SUMF1: variants seen among roughly 807,000 people sequenced by gnomAD.
SUMF1 encodes formylglycine-generating enzyme.
A neutral mutation model predicts 47.6 loss-of-function variants in SUMF1; 48 were observed. The observed-to-expected ratio is 1.01, with a 90% CI of 0.80 to 1.28. The LOEUF (loss-of-function observed/expected upper bound fraction) is 1.28. Among genes scored for constraint, SUMF1 ranks in the 50% most tolerant of loss-of-function variants. The probability of loss-of-function intolerance (pLI) is 0.00; values close to 1 mark genes in which losing one functional copy is unlikely to be tolerated. For missense variants in SUMF1, 571 were observed against 485.4 expected (o/e 1.18, Z -1.66); for synonymous variants, 230 against 192.1 (o/e 1.20, Z -1.63).
chr3:4,464,563 G>A (rs1017836362), intron 1 of SUMF1, among the ~76,000 whole-genome samples: 1 of 152,062 alleles, frequency 6.6e-6, no homozygotes, highest in African/African-American at 2.4e-5. Context: ...ATAAACATTT[G>A]TTTAATTAAA....
intron 8 of SUMF1, among the ~76,000 whole-genome samples, chr3:4,074,028 G>A (rs1217972767): frequency 1.4e-5 from 2 of 147,546 alleles, no homozygotes; most frequent in African/African-American, 2.7e-5. Flanking sequence ...CAAATCAACA[G>A]AATATACATT....
At chr3:4,049,864 T>C (rs61032562) in intron 9 of SUMF1, among the ~76,000 whole-genome samples, 3,035 of 152,150 alleles carry the variant, frequency 0.02, 96 homozygotes, top group African/African-American at 0.069. Flanking sequence ...GGGGGTATTA[T>C]TGAGTGGTGG....
chr3:4,102,512 CT>C (rs1388143609), intron 8 of SUMF1, among the ~76,000 whole-genome samples: 1 of 152,146 alleles, frequency 6.6e-6, no homozygotes, highest in Non-Finnish European at 1.5e-5. Flanking sequence ...AAACTCTCAC[CT>C]TAATTTCTAG....
intron 8 of SUMF1, among the ~76,000 whole-genome samples, chr3:4,179,700 A>C (rs1695049276): frequency 6.6e-6 from 1 of 152,190 alleles, no homozygotes; most frequent in Non-Finnish European, 1.5e-5. Context: ...AATGGGATCT[A>C]ATTAAACTAA....
At chr3:4,137,407 G>A (rs1293458384) in intron 8 of SUMF1, among the ~76,000 whole-genome samples, 1 of 151,176 alleles carries the variant, frequency 6.6e-6, no homozygotes, top group Admixed American at 6.6e-5. Flanking sequence ...TCACTCATAG[G>A]TGGGAATTGA....
chr3:4,202,386 G>T (rs1345986881), intron 8 of SUMF1, among the ~76,000 whole-genome samples: 2 of 151,706 alleles, frequency 1.3e-5, no homozygotes, highest in Non-Finnish European at 3.0e-5. Context: ...TATGTTCTTG[G>T]CACCTCTGTC....
intron 8 of SUMF1, among the ~76,000 whole-genome samples, chr3:4,152,349 G>T (rs1694354824): frequency 6.6e-6 from 1 of 151,498 alleles, no homozygotes; most frequent in Admixed American, 6.6e-5. Context: ...GAGCAGTGGT[G>T]CAATCTCAGC....
At chr3:4,059,059 A>G (rs937381441) in intron 9 of SUMF1, among the ~76,000 whole-genome samples, 1 of 152,142 alleles carries the variant, frequency 6.6e-6, no homozygotes, top group African/African-American at 2.4e-5. Flanking sequence ...GGGACAACAT[A>G]CTGGAAAAGG....
chr3:4,084,663 T>C (rs984115869), intron 8 of SUMF1, among the ~76,000 whole-genome samples: 14 of 152,144 alleles, frequency 9.2e-5, no homozygotes, highest in Admixed American at 1.3e-4. Context: ...CTTTGATCCA[T>C]AGAACTGCTC....
chr3:4,294,506 GTGAGCCTCTGAGGTACAA>G (rs1378060829), intron 8 of SUMF1, among the ~76,000 whole-genome samples: 2 of 152,160 alleles, frequency 1.3e-5, no homozygotes, highest in African/African-American at 4.8e-5. Flanking sequence ...CGAGGCTGCA[GTGAGCCTCTGAGGTACAA>G]TGAGCCTCTG....
chr3:4,391,697 G>A (rs1192739537), intron 7 of SUMF1, among the ~76,000 whole-genome samples: 1 of 152,108 alleles, frequency 6.6e-6, no homozygotes, highest in East Asian at 1.9e-4. Context: ...TGCCCAGGCT[G>A]GTCTCGAACT....
intron 8 of SUMF1, among the ~76,000 whole-genome samples, chr3:4,291,159 T>G (rs569278743): frequency 6.6e-6 from 1 of 152,248 alleles, no homozygotes; most frequent in Admixed American, 6.5e-5. Flanking sequence ...CATGGTGCAC[T>G]GCAAGTAGCA....
At chr3:4,233,631 A>T (rs1391244280) in intron 8 of SUMF1, among the ~76,000 whole-genome samples, 1 of 152,150 alleles carries the variant, frequency 6.6e-6, no homozygotes, top group Non-Finnish European at 1.5e-5. Flanking sequence ...AAAGGCCTTA[A>T]AATACCACAC....
intron 8 of SUMF1, among the ~76,000 whole-genome samples, chr3:4,160,234 C>A (rs1392422045): frequency 6.6e-6 from 1 of 151,864 alleles, no homozygotes; most frequent in Admixed American, 6.6e-5. Flanking sequence ...TATAGGCATG[C>A]TCTATTCTTT....
chr3:4,160,128 G>A (rs79053769), intron 8 of SUMF1, among the ~76,000 whole-genome samples: 4,736 of 152,088 alleles, frequency 0.031, 274 homozygotes, highest in African/African-American at 0.11. Context: ...TGTTATCACT[G>A]CTTCAAATAA....
chr3:4,239,236 T>G (rs543589227), intron 8 of SUMF1, among the ~76,000 whole-genome samples: 1 of 152,332 alleles, frequency 6.6e-6, no homozygotes, highest in Non-Finnish European at 1.5e-5. Flanking sequence ...TCTTTTTGCT[T>G]AAGATTGTCT....
At chr3:4,339,130 G>C (rs1362523316) in intron 8 of SUMF1, among the ~76,000 whole-genome samples, 3 of 152,118 alleles carry the variant, frequency 2.0e-5, no homozygotes, top group Non-Finnish European at 4.4e-5. Context: ...GCCCATTTCT[G>C]TGGCTCTCCT....
chr3:4,387,765 T>C (rs1700721066), intron 7 of SUMF1, among the ~76,000 whole-genome samples: 1 of 152,064 alleles, frequency 6.6e-6, no homozygotes, highest in Admixed American at 6.6e-5. Flanking sequence ...CAAATTTTGA[T>C]ATGTTTCATT....
chr3:4,401,501 G>A (rs548973604), intron 7 of SUMF1, among the ~76,000 whole-genome samples: 1 of 152,078 alleles, frequency 6.6e-6, no homozygotes, highest in Non-Finnish European at 1.5e-5. Context: ...TACTTTCCAA[G>A]CAAGCAGCAG....
Sources: allele counts gnomAD v4.1 joint callset (sites outside exome capture counted in the v4.1 genomes callset), GRCh38; gene constraint gnomAD v4.1.1; transcripts MANE v1.5; gene names NCBI Gene and HGNC (gene_info 2026-07-23, HGNC 2026-07-21).